The following PDGFRL variants were observed in gnomAD, a reference collection of about 807,000 sequenced individuals.
PDGFRL encodes platelet-derived growth factor receptor-like protein.
In PDGFRL, 46 loss-of-function variants were observed where a neutral mutation model predicts 37.2. That is an observed-to-expected ratio of 1.24 (90% confidence interval 0.98 to 1.58). The LOEUF (loss-of-function observed/expected upper bound fraction) is 1.58, where lower values mean the gene tolerates loss of function less well. PDGFRL is among the 40% of genes most tolerant of loss of function. PDGFRL has a pLI of 0.00. For missense variants in PDGFRL, 692 were observed against 467.6 expected (o/e 1.48, Z -4.43); for synonymous variants, 251 against 184.3 (o/e 1.36, Z -2.93).
chr8:17,577,148 C>T, upstream of PDGFRL: 1 of 1,492,046 alleles, frequency 6.7e-7, no homozygotes, highest in Non-Finnish European at 9.0e-7. Flanking sequence ...ACCGAATCCT[C>T]CCGCTTCGGC....
chr8:17,603,116 G>A (rs1277571951), intron 2 of PDGFRL, among the ~76,000 whole-genome samples: 2 of 152,268 alleles, frequency 1.3e-5, no homozygotes, highest in East Asian at 3.9e-4. Context: ...TCAAGTAGCT[G>A]AGGTTACAGG....
chr8:17,613,834 G>C (rs899860063), intron 2 of PDGFRL, among the ~76,000 whole-genome samples: 1 of 152,144 alleles, frequency 6.6e-6, no homozygotes, highest in African/African-American at 2.4e-5. Context: ...CCTCCAGCCT[G>C]GGTAACAGAG....
At chr8:17,613,806 C>T (rs894008754) in intron 2 of PDGFRL, among the ~76,000 whole-genome samples, 1 of 152,070 alleles carries the variant, frequency 6.6e-6, no homozygotes, top group Non-Finnish European at 1.5e-5. Context: ...GTGAACCCCA[C>T]GGAGGTCACA....
chr8:17,597,276 C>A (rs1037042345), intron 2 of PDGFRL, among the ~76,000 whole-genome samples: 1 of 152,240 alleles, frequency 6.6e-6, no homozygotes, highest in Non-Finnish European at 1.5e-5. Flanking sequence ...CCACCTTGGC[C>A]TCTCAAAGTC....
intron 2 of PDGFRL, among the ~76,000 whole-genome samples, chr8:17,612,453 C>G (rs1430434032): frequency 1.3e-5 from 2 of 152,102 alleles, no homozygotes; most frequent in Admixed American, 6.5e-5. Flanking sequence ...CTCACTGCAC[C>G]TCTGCCTCCC....
chr8:17,577,386 C>T (rs1563499800), intron 1 of PDGFRL, 79 bp downstream of exon 1: 1 of 1,241,552 alleles, frequency 8.1e-7, no homozygotes, highest in Non-Finnish European at 1.2e-6. Flanking sequence ...CGCCCTCCTG[C>T]CAGCTCTTGG....
In PDGFRL at chr8:17,628,501, T is replaced by C; in HGVS notation, c.520T>C (p.Phe174Leu). ...YIFFTEKGEL[F>L]VPSPSYFDVV... is the part of the protein sequence containing the mutation. The stretch of plus-strand genomic sequence containing the variant: ...TCCCTTTGCAGAGAAAGGAGAACTC[T>C]TTGTACCTTCTCCCAGCTACTTCGA... The change falls in exon 4 of 6, where the codon TTT becomes CTT. Residue 174 changes from phenylalanine to leucine, a missense_variant. Physicochemically the swap from Phe to Leu is conservative, Grantham distance 22. Coordinates refer to ENST00000251630, the MANE Select transcript of PDGFRL (RefSeq NM_001372073.1). 4 of 1,613,512 alleles carry C rather than the reference T, an allele frequency of 2.5e-6. No individual in the cohort carries two copies. Among genetic ancestry groups the C allele is most frequent in the Non-Finnish European group, 3.4e-6 (4 of 1,179,438 alleles).
chr8:17,636,195 A>G (rs1032584620), intron 5 of PDGFRL, among the ~76,000 whole-genome samples: 3 of 152,246 alleles, frequency 2.0e-5, no homozygotes, highest in East Asian at 1.9e-4. Flanking sequence ...GCCTAAGCCA[A>G]TGTCTAGAAA....
chr8:17,577,170 C>A, upstream of PDGFRL: 3 of 1,550,822 alleles, frequency 1.9e-6, no homozygotes, highest in African/African-American at 4.1e-5. Context: ...TCCCAGGAGC[C>A]CGCCCCTCGC....
intron 5 of PDGFRL, among the ~76,000 whole-genome samples, chr8:17,637,764 CAG>C (rs1302358993): frequency 6.6e-6 from 1 of 152,126 alleles, no homozygotes; most frequent in East Asian, 1.9e-4. Flanking sequence ...TTGGTCTGTT[CAG>C]AGTTTCTCTT....
At chr8:17,576,640 C>T (rs1367321211), upstream of PDGFRL, 3 of 874,020 alleles carry the variant, frequency 3.4e-6, no homozygotes, top group Non-Finnish European at 4.1e-6. Flanking sequence ...TCTCATTTTC[C>T]ACGTTATTCC....
Position 17,638,264 on chromosome 8 carries a change from A to T in PDGFRL, c.939+4051A>T, listed in dbSNP as rs553417758. Among the ~76,000 whole-genome samples the T allele has an allele frequency of 4.6e-5, 7 of 152,292 alleles. No individual in the cohort carries two copies. In the East Asian group the frequency reaches 1.4e-3, roughly 29 times the overall value. On this transcript the variant is annotated intron_variant, in intron 5 of 5. Transcript: ENST00000251630. ...TGTGCTACTATTTTCATTCAGTTCA[A>T]ATAATTTTTTAACTTCCATCGTGAT... is the stretch of plus-strand genomic sequence containing the variant.
chr8:17,612,857 A>AC (rs1183948461), intron 2 of PDGFRL, among the ~76,000 whole-genome samples: 1 of 152,214 alleles, frequency 6.6e-6, no homozygotes, highest in Non-Finnish European at 1.5e-5. Context: ...CTCTTTAATG[A>AC]CTAACTTTCC....
chr8:17,578,591 G>A (rs544078860), intron 1 of PDGFRL, among the ~76,000 whole-genome samples: 1 of 152,276 alleles, frequency 6.6e-6, no homozygotes, highest in East Asian at 1.9e-4. Flanking sequence ...AGGCAGAAAT[G>A]TAATTTGTAG....
Position 17,642,902 on chromosome 8 carries a change from G to C in PDGFRL, c.*101G>C. On this transcript the variant is annotated 3_prime_UTR_variant, in exon 6 of 6. Coordinates refer to ENST00000251630, the MANE Select transcript of PDGFRL (RefSeq NM_001372073.1). ...GTGCTTTGCCAGAGGCTGATGTCAAGCACCACACCCCAACCCCAGCGTCTC... is the reference window on the plus strand; with the variant it reads ...GTGCTTTGCCAGAGGCTGATGTCAACCACCACACCCCAACCCCAGCGTCTC... The C allele has an allele frequency of 4.1e-6, 3 of 726,830 alleles. No homozygotes were observed. The South Asian group carries it at 5.2e-5, about 13-fold the overall frequency. The allele number at this position is 726,830 out of a possible 1,614,324, so 45.0% of individuals were successfully genotyped here.
chr8:17,580,588 A>G (rs188164681), intron 1 of PDGFRL, among the ~76,000 whole-genome samples: 22 of 152,276 alleles, frequency 1.4e-4, no homozygotes, highest in African/African-American at 4.6e-4. Context: ...GTGGTGCTCA[A>G]TGAAGGGAGA....
At chr8:17,585,292 T>C (rs541561122) in intron 1 of PDGFRL, among the ~76,000 whole-genome samples, 41 of 152,262 alleles carry the variant, frequency 2.7e-4, no homozygotes, top group Admixed American at 7.2e-4. Context: ...CTGTGACGAA[T>C]GCCTTTACCT....
intron 3 of PDGFRL, among the ~76,000 whole-genome samples, chr8:17,625,874 A>G (rs1271605357): frequency 6.6e-6 from 1 of 152,158 alleles, no homozygotes; most frequent in African/African-American, 2.4e-5. Context: ...ACGTGCCTGT[A>G]GTCCCAGCTA....
intron 2 of PDGFRL, among the ~76,000 whole-genome samples, chr8:17,618,136 G>A (rs978609272): frequency 4.6e-5 from 7 of 151,988 alleles, no homozygotes; most frequent in Non-Finnish European, 1.0e-4. Flanking sequence ...ATAGCTCATT[G>A]CAGCCTCGAC....
Sources: allele counts gnomAD v4.1 joint callset (sites outside exome capture counted in the v4.1 genomes callset), GRCh38; gene constraint gnomAD v4.1.1; transcripts MANE v1.5; gene names NCBI Gene and HGNC (gene_info 2026-07-23, HGNC 2026-07-21).